LYSMD3: variants seen among roughly 807,000 people sequenced by gnomAD.
LYSMD3 encodes LysM domain containing 3, also known as lysM and putative peptidoglycan-binding domain-containing protein 3.
LYSMD3 carries 13 observed loss-of-function variants against 26.1 expected under a neutral mutation model. That is an observed-to-expected ratio of 0.50 (90% CI 0.32 to 0.79). LYSMD3 has a LOEUF of 0.79. Ranked by LOEUF, LYSMD3 falls within the 30% of genes least tolerant of loss-of-function variation. The probability of loss-of-function intolerance (pLI) is 0.03; values close to 1 mark genes in which losing one functional copy is unlikely to be tolerated. For synonymous variants in LYSMD3, 109 were observed against 119.4 expected (o/e 0.91, Z 0.57); for missense variants, 331 against 362.5 (o/e 0.91, Z 0.71).
At position 90,529,577 on chromosome 5, in the gene LYSMD3, A is replaced by C. The variant is rs1174070077; in HGVS notation, c.-141T>G. Reference sequence around the variant, plus strand: ...CCGTCCGCCTCCGCCTCTGCCGCCAACGTCTCCGCCTTCCGGGCCGTACGC... The same window carrying C: ...CCGTCCGCCTCCGCCTCTGCCGCCACCGTCTCCGCCTTCCGGGCCGTACGC... On this transcript the variant is annotated 5_prime_UTR_variant, in exon 1 of 3. Coordinates refer to ENST00000315948, the MANE Select transcript of LYSMD3 (RefSeq NM_198273.2). 6.6e-6 allele frequency: 3 copies of C among 455,762 alleles called. No homozygotes were observed. The highest frequency in any genetic ancestry group is 1.3e-5 in the Non-Finnish European group (3 of 226,526). The allele number at this position is 455,762 out of a possible 1,614,324, so 28.2% of individuals were successfully genotyped here. A position where few individuals can be genotyped will look rare whatever the true frequency, so the allele number is the denominator to read the frequency against.
chr5:90,528,945 T>C (rs1753289856), intron 1 of LYSMD3, among the ~76,000 whole-genome samples: 1 of 152,178 alleles, frequency 6.6e-6, no homozygotes, highest in African/African-American at 2.4e-5. Flanking sequence ...AAGTTAAAGC[T>C]GCAAAGGGAC....
chr5:90,529,379 A>T (rs1264543812), intron 1 of LYSMD3, 69 bp downstream of exon 1: 2 of 456,152 alleles, frequency 4.4e-6, no homozygotes, highest in Non-Finnish European at 8.8e-6. Context: ...GCCTCCCGTG[A>T]GGACGCAGCT....
intron 1 of LYSMD3, among the ~76,000 whole-genome samples, chr5:90,527,498 T>G (rs1364624715): frequency 6.6e-6 from 1 of 151,506 alleles, no homozygotes; most frequent in Non-Finnish European, 1.5e-5. Context: ...AAATTCAGAG[T>G]TAGGAATGAC....
intron 1 of LYSMD3, among the ~76,000 whole-genome samples, chr5:90,527,550 A>C (rs1046710881): frequency 1.3e-5 from 2 of 152,122 alleles, no homozygotes; most frequent in African/African-American, 4.8e-5. Flanking sequence ...AGGGTGGCTG[A>C]GATAGTGACA....
intron 2 of LYSMD3, among the ~76,000 whole-genome samples, chr5:90,520,903 A>T (rs1408294539): frequency 6.6e-6 from 1 of 151,874 alleles, no homozygotes; most frequent in Non-Finnish European, 1.5e-5. Context: ...TGGGCAACAG[A>T]GCGAGACTCC....
intron 1 of LYSMD3, 36 bp downstream of exon 1, chr5:90,529,412 G>C (rs774437648): frequency 4.4e-6 from 2 of 456,266 alleles, no homozygotes; most frequent in Non-Finnish European, 8.8e-6. Flanking sequence ...CGCCCTCCTG[G>C]ACCGGGCTAC....
At position 90,519,233 on chromosome 5, in the gene LYSMD3, T is replaced by C; in HGVS notation, c.507A>G (p.Glu169=). The change falls in exon 3 of 3, where the codon GAA becomes GAG. Residue 169 remains glutamate (E), a synonymous_variant. Coordinates refer to ENST00000315948, the MANE Select transcript of LYSMD3 (RefSeq NM_198273.2). ...TATTGTCTGTACACTTTACTATTTGTTCTATGTCTCGGTCTACTTCTTTTA... is the reference window on the plus strand; with the variant it reads ...TATTGTCTGTACACTTTACTATTTGCTCTATGTCTCGGTCTACTTCTTTTA... ...SFLKEVDRDI[E]QIVKCTDNKR... The C allele has an allele frequency of 6.2e-7, 1 of 1,613,982 alleles. No homozygotes were observed. The highest frequency in any genetic ancestry group is 8.5e-7 in the Non-Finnish European group (1 of 1,179,974).
Position 90,516,611 on chromosome 5 carries a change from C to T in LYSMD3, c.*2208G>A, listed in dbSNP as rs777338313. 3.9e-5 allele frequency: 6 copies of T among 152,126 alleles called. No homozygotes were observed. The highest frequency in any genetic ancestry group is 8.8e-5 in the Non-Finnish European group (6 of 67,896). The allele number at this position is 152,126 out of a possible 1,614,324, so 9.4% of individuals were successfully genotyped here. A position where few individuals can be genotyped will look rare whatever the true frequency, so the allele number is the denominator to read the frequency against. On this transcript the variant is annotated 3_prime_UTR_variant, in exon 3 of 3. Coordinates refer to ENST00000315948, the MANE Select transcript of LYSMD3 (RefSeq NM_198273.2). ...AAATGTATTAAATGCTTAGAAAATT[C>T]ATTTCTTTCCTAAACAGATTAGAAC...
At chr5:90,524,043 A>G (rs962998878) in intron 2 of LYSMD3, among the ~76,000 whole-genome samples, 1 of 152,344 alleles carries the variant, frequency 6.6e-6, no homozygotes, top group Non-Finnish European at 1.5e-5. Context: ...ATCCCACAGA[A>G]GTAAAGGCAG....
intron 2 of LYSMD3, among the ~76,000 whole-genome samples, chr5:90,524,464 T>C (rs1753166825): frequency 6.6e-6 from 1 of 152,242 alleles, no homozygotes; most frequent in African/African-American, 2.4e-5. Context: ...TTTCTTACCA[T>C]TTGAATAAGA....
chr5:90,525,804 C>A (rs1753209968), intron 1 of LYSMD3, among the ~76,000 whole-genome samples: 1 of 151,896 alleles, frequency 6.6e-6, no homozygotes, highest in African/African-American at 2.4e-5. Context: ...GCAGTGGAGA[C>A]AAAGGTAAGG....
chr5:90,523,528 T>TG (rs1475241482), intron 2 of LYSMD3, among the ~76,000 whole-genome samples: 2 of 151,884 alleles, frequency 1.3e-5, no homozygotes, highest in African/African-American at 4.8e-5. Context: ...ATGAAAAATT[T>TG]GGGGGGAAGA....
chr5:90,520,258 G>A, intron 2 of LYSMD3: 1 of 398,384 alleles, frequency 2.5e-6, no homozygotes, highest in East Asian at 7.1e-5. Flanking sequence ...TGTGTTGGGG[G>A]AAGAGGGGAG....
At chr5:90,528,446 A>G (rs1469019912) in intron 1 of LYSMD3, among the ~76,000 whole-genome samples, 1 of 152,202 alleles carries the variant, frequency 6.6e-6, no homozygotes, top group Non-Finnish European at 1.5e-5. Flanking sequence ...GTTTCTATCA[A>G]CCTCTCTCCA....
In LYSMD3 at chr5:90,515,942, A is replaced by G. The variant is rs1372223639; in HGVS notation, c.*2877T>C. 6.6e-6 allele frequency: 1 copy of G among 152,190 alleles called. No homozygotes were observed. Among genetic ancestry groups the G allele is most frequent in the Non-Finnish European group, 1.5e-5 (1 of 67,998 alleles). 9.4% of individuals were successfully genotyped at this position (152,190 alleles called of 1,614,324 possible). ...TGCACCATTTAAATACAGACTTTAA[A>G]AAACTCCACCTTTACCCTGTAACAC... On this transcript the variant is annotated 3_prime_UTR_variant, in exon 3 of 3. Transcript: ENST00000315948.
At chr5:90,526,964 G>A (rs867069726) in intron 1 of LYSMD3, 2 of 152,134 alleles carry the variant, frequency 1.3e-5, no homozygotes, top group Admixed American at 6.5e-5. Context: ...GAGCCTTGAA[G>A]AAGTCCAAAA....
chr5:90,523,125 A>G (rs1015320048), intron 2 of LYSMD3, among the ~76,000 whole-genome samples: 2 of 148,634 alleles, frequency 1.3e-5, no homozygotes, highest in Admixed American at 1.3e-4. Context: ...TTATTTCTCT[A>G]CAAAACATTT....
rs1002247854 is a variant in LYSMD3 at position 90,518,078 on chromosome 5, A to C, written c.*741T>G. 2.6e-5 allele frequency: 4 copies of C among 152,446 alleles called. No homozygotes were observed. Among genetic ancestry groups the C allele is most frequent in the African/African-American group, 9.7e-5 (4 of 41,436 alleles). 9.4% of individuals were successfully genotyped at this position (152,446 alleles called of 1,614,324 possible). The stretch of plus-strand genomic sequence containing the variant: ...CTACAAAAGTGCTTTCAAATATCAG[A>C]GGCAAATATAATCATTTTAAAAACA... On this transcript the variant is annotated 3_prime_UTR_variant, in exon 3 of 3. Transcript: ENST00000315948.
At chr5:90,522,732 G>T (rs996749142) in intron 2 of LYSMD3, among the ~76,000 whole-genome samples, 2 of 151,980 alleles carry the variant, frequency 1.3e-5, no homozygotes, top group Admixed American at 1.3e-4. Flanking sequence ...TTACTGTATG[G>T]ATCAAACTTT....
Sources: allele counts gnomAD v4.1 joint callset (sites outside exome capture counted in the v4.1 genomes callset), GRCh38; gene constraint gnomAD v4.1.1; transcripts MANE v1.5; gene names NCBI Gene and HGNC (gene_info 2026-07-23, HGNC 2026-07-21).